DOCK2: variants seen among roughly 807,000 people sequenced by gnomAD.
DOCK2 encodes the protein dedicator of cytokinesis 2, also known as dedicator of cytokinesis protein 2.
In DOCK2, 87 loss-of-function variants were observed where a neutral mutation model predicts 248.9. The observed-to-expected ratio is 0.35, with a 90% CI of 0.29 to 0.42. DOCK2 has a LOEUF of 0.42. Ranked by LOEUF, DOCK2 falls within the 10% of genes least tolerant of loss-of-function variation. The pLI, the probability that DOCK2 is intolerant of heterozygous loss-of-function variation, is 1.00. For missense variants in DOCK2, 1,747 were observed against 2,300.2 expected (o/e 0.76, Z 4.92); for synonymous variants, 805 against 821.6 (o/e 0.98, Z 0.35).
chr5:169,958,877 A>G (rs1280084851), intron 27 of DOCK2, among the ~76,000 whole-genome samples: 1 of 152,132 alleles, frequency 6.6e-6, no homozygotes, highest in Non-Finnish European at 1.5e-5. Flanking sequence ...AGTGGGGGAA[A>G]AACCTAGTAC....
At chr5:169,989,936 C>T (rs1285291020) in intron 29 of DOCK2, among the ~76,000 whole-genome samples, 1 of 152,154 alleles carries the variant, frequency 6.6e-6, no homozygotes. Context: ...ATCTTGTCTA[C>T]CTTTTCATAT....
chr5:170,011,999 T>G (rs1229852623), intron 32 of DOCK2, among the ~76,000 whole-genome samples: 1 of 152,210 alleles, frequency 6.6e-6, no homozygotes, highest in Non-Finnish European at 1.5e-5. Context: ...TGTTGCATCC[T>G]TAACTGATAC....
intron 27 of DOCK2, among the ~76,000 whole-genome samples, chr5:169,907,738 G>T (rs187961378): frequency 1.3e-5 from 2 of 152,282 alleles, no homozygotes; most frequent in Admixed American, 1.3e-4. Flanking sequence ...TAGAGCAGTG[G>T]TTTTCAACTA....
At chr5:169,814,726 T>C (rs1272575379) in intron 26 of DOCK2, among the ~76,000 whole-genome samples, 1 of 152,190 alleles carries the variant, frequency 6.6e-6, no homozygotes, top group African/African-American at 2.4e-5. Context: ...ATTTAAGGGA[T>C]GATTACTCAC....
intron 32 of DOCK2, among the ~76,000 whole-genome samples, chr5:170,010,445 T>C (rs1021273069): frequency 7.2e-5 from 11 of 152,180 alleles, no homozygotes; most frequent in Admixed American, 5.2e-4. Context: ...AGCCGGCACC[T>C]GGCCTCAGGG....
intron 8 of DOCK2, among the ~76,000 whole-genome samples, chr5:169,687,753 G>C (rs1445489828): frequency 6.6e-6 from 1 of 152,120 alleles, no homozygotes. Context: ...GGAGATATGA[G>C]ATGGCAAAGG....
rs1756874365 is a variant in DOCK2 at position 169,637,310 on chromosome 5, G to A, written c.-17G>A. On this transcript the variant is annotated 5_prime_UTR_variant, in exon 1 of 52. Transcript: ENST00000520908. ...TGACGGCTTCCCCACGGGAGGACGC[G>A]AGGCCCCGGCCCAGCCATGGCCCCC... 1 of 1,428,568 alleles carries A rather than the reference G, an allele frequency of 7.0e-7. No individual in the cohort carries two copies. The highest frequency in any genetic ancestry group is 9.1e-7 in the Non-Finnish European group (1 of 1,093,766). The allele number at this position is 1,428,568 out of a possible 1,614,324, so 88.5% of individuals were successfully genotyped here.
chr5:169,818,128 G>A (rs927568282), intron 26 of DOCK2, among the ~76,000 whole-genome samples: 2 of 152,116 alleles, frequency 1.3e-5, no homozygotes, highest in Admixed American at 6.5e-5. Context: ...GTGAACATGC[G>A]TAACCCATAA....
rs757666976 is a variant in DOCK2 at position 170,027,956 on chromosome 5, C to T, written c.3467+8C>T. 2 of 1,610,228 alleles carry T rather than the reference C, an allele frequency of 1.2e-6. No homozygotes were observed. Among genetic ancestry groups the T allele is most frequent in the East Asian group, 4.5e-5 (2 of 44,760 alleles). ...GCAGCTCCTGGAGTCAATGTAAGTTCAGTGCCCTGTGTGTAGGAACAGCCT... is the reference window on the plus strand; with the variant it reads ...GCAGCTCCTGGAGTCAATGTAAGTTTAGTGCCCTGTGTGTAGGAACAGCCT... On this transcript the variant is annotated splice_region_variant and intron_variant, in intron 34 of 51. Transcript: ENST00000520908.
At position 170,067,697 on chromosome 5, in the gene DOCK2, C is replaced by T; in HGVS notation, c.4644+11C>T. The T allele has an allele frequency of 6.2e-7, 1 of 1,613,676 alleles. No individual in the cohort carries two copies. The highest frequency in any genetic ancestry group is 1.7e-5 in the Admixed American group (1 of 59,992). ...GCCAAGTATGAGAAGGTGAGGATTTCTGTTCTCCAAGTCTAGGGGAGCTCG... is the reference window on the plus strand; with the variant it reads ...GCCAAGTATGAGAAGGTGAGGATTTTTGTTCTCCAAGTCTAGGGGAGCTCG... On this transcript the variant is annotated intron_variant, in intron 45 of 51. Coordinates refer to ENST00000520908, the MANE Select transcript of DOCK2 (RefSeq NM_004946.3).
At chr5:170,021,714 C>T (rs953203091) in intron 33 of DOCK2, among the ~76,000 whole-genome samples, 1 of 152,152 alleles carries the variant, frequency 6.6e-6, no homozygotes, top group African/African-American at 2.4e-5. Context: ...ACTAATGAGG[C>T]AGATGCCCAT....
chr5:169,663,771 C>T (rs1037637529), intron 2 of DOCK2, among the ~76,000 whole-genome samples: 7 of 152,224 alleles, frequency 4.6e-5, no homozygotes, highest in African/African-American at 1.7e-4. Flanking sequence ...GGGCCCAGCC[C>T]ACAAAACCAT....
intron 25 of DOCK2, among the ~76,000 whole-genome samples, chr5:169,778,599 T>A (rs954658285): frequency 3.3e-5 from 5 of 152,210 alleles, no homozygotes; most frequent in African/African-American, 1.2e-4. Flanking sequence ...TGATAAACAG[T>A]TGCTCTGCCC....
chr5:169,684,139 T>A, intron 7 of DOCK2, 57 bp from the exon 8 acceptor site: 7 of 1,571,700 alleles, frequency 4.5e-6, no homozygotes, highest in Non-Finnish European at 5.2e-6. Flanking sequence ...TCTGTTGCTC[T>A]AAGTGGTGCT....
intron 27 of DOCK2, among the ~76,000 whole-genome samples, chr5:169,873,452 A>T (rs1380541623): frequency 6.6e-6 from 1 of 152,178 alleles, no homozygotes; most frequent in African/African-American, 2.4e-5. Flanking sequence ...CTCAGTCCAT[A>T]TTGGAATTTG....
chr5:169,714,559 C>T, intron 19 of DOCK2, 102 bp downstream of exon 19: 12 of 1,268,850 alleles, frequency 9.5e-6, no homozygotes, highest in Admixed American at 4.2e-5. Context: ...CATGGGGAAA[C>T]TTTTCTTCCA....
intron 9 of DOCK2, among the ~76,000 whole-genome samples, chr5:169,690,347 A>G (rs955481542): frequency 6.6e-6 from 1 of 152,182 alleles, no homozygotes; most frequent in Non-Finnish European, 1.5e-5. Flanking sequence ...GGATTTGGGC[A>G]TTGACCAAAC....
At chr5:169,915,090 T>G (rs1046906920) in intron 27 of DOCK2, among the ~76,000 whole-genome samples, 1 of 152,204 alleles carries the variant, frequency 6.6e-6, no homozygotes, top group Non-Finnish European at 1.5e-5. Context: ...ATTCTAGGCC[T>G]TGATGTTGAG....
At chr5:169,817,174 C>T (rs546092803) in intron 26 of DOCK2, among the ~76,000 whole-genome samples, 5 of 152,316 alleles carry the variant, frequency 3.3e-5, no homozygotes, top group South Asian at 2.1e-4. Context: ...CTTTTAGCTC[C>T]GTCTCACTCA....
Sources: allele counts gnomAD v4.1 joint callset (sites outside exome capture counted in the v4.1 genomes callset), GRCh38; gene constraint gnomAD v4.1.1; transcripts MANE v1.5; gene names NCBI Gene and HGNC (gene_info 2026-07-23, HGNC 2026-07-21).